The following PDE1C variants were observed in gnomAD, a reference collection of about 807,000 sequenced individuals.
PDE1C encodes the protein phosphodiesterase 1C.
In PDE1C, 62 loss-of-function variants were observed where a neutral mutation model predicts 93.1. The ratio of observed to expected loss-of-function variants is 0.67; its 90% CI spans 0.54 to 0.82. The LOEUF (loss-of-function observed/expected upper bound fraction) is 0.82. Among genes scored for constraint, PDE1C ranks in the 40% least tolerant of loss-of-function variants. PDE1C has a pLI of 0.00. For synonymous variants in PDE1C, 325 were observed against 310.1 expected (o/e 1.05, Z -0.50); for missense variants, 742 against 884.6 (o/e 0.84, Z 2.04).
intron 1 of PDE1C, among the ~76,000 whole-genome samples, chr7:32,261,392 C>T (rs1241935316): frequency 6.6e-6 from 1 of 152,156 alleles, no homozygotes; most frequent in East Asian, 1.9e-4. Context: ...CCAATCAGCA[C>T]TCCCCACTTC....
intron 5 of PDE1C, among the ~76,000 whole-genome samples, chr7:31,873,777 C>T (rs769509777): frequency 7.2e-5 from 11 of 152,122 alleles, no homozygotes; most frequent in Non-Finnish European, 1.2e-4. Context: ...ACCCAAGGTG[C>T]GTAAGTGCTA....
chr7:31,740,796 C>T, the PDE1C span, among the ~76,000 whole-genome samples: 5 of 152,176 alleles, frequency 3.3e-5, no homozygotes, highest in Non-Finnish European at 5.9e-5. Context: ...AGGCCAGGCA[C>T]GGTGGCTTAC....
chr7:32,337,121 C>T (rs932074952), intron 1 of PDE1C, among the ~76,000 whole-genome samples: 1 of 152,070 alleles, frequency 6.6e-6, no homozygotes, highest in Non-Finnish European at 1.5e-5. Flanking sequence ...AGAGAGGCTC[C>T]CTACCTCTGG....
chr7:31,662,914 G>A, the PDE1C span, among the ~76,000 whole-genome samples: 3 of 152,040 alleles, frequency 2.0e-5, no homozygotes, highest in Non-Finnish European at 2.9e-5. Context: ...TGATTGTGCT[G>A]TTCTCTAATT....
chr7:32,004,942 T>C (rs1785991912), intron 2 of PDE1C, among the ~76,000 whole-genome samples: 1 of 152,228 alleles, frequency 6.6e-6, no homozygotes, highest in African/African-American at 2.4e-5. Flanking sequence ...TCTCTTCTGA[T>C]TTCCATGAGG....
chr7:32,298,787 TC>T, exon 1 of PDE1C: 11 of 1,541,664 alleles, frequency 7.1e-6, no homozygotes, highest in African/African-American at 1.4e-5. Flanking sequence ...GCGTCTGCGG[TC>T]CCCCCCACGG....
intron 1 of PDE1C, among the ~76,000 whole-genome samples, chr7:32,372,841 C>T (rs1784356959): frequency 6.6e-6 from 1 of 152,098 alleles, no homozygotes; most frequent in South Asian, 2.1e-4. Flanking sequence ...TACAAATGGC[C>T]AATATGCTCA....
intron 2 of PDE1C, among the ~76,000 whole-genome samples, chr7:32,035,761 C>T (rs1468180743): frequency 6.6e-6 from 1 of 152,160 alleles, no homozygotes; most frequent in African/African-American, 2.4e-5. Flanking sequence ...GCTCGAAATC[C>T]TAGCAGTATG....
At chr7:31,745,273 G>C in the PDE1C span, among the ~76,000 whole-genome samples, 1 of 152,128 alleles carries the variant, frequency 6.6e-6, no homozygotes, top group Non-Finnish European at 1.5e-5. Context: ...ATGAAGAGTG[G>C]TAATATTTTC....
At chr7:32,159,210 G>A (rs899533303) in intron 3 of PDE1C, among the ~76,000 whole-genome samples, 18 of 152,166 alleles carry the variant, frequency 1.2e-4, no homozygotes, top group Admixed American at 9.8e-4. Context: ...AGTATGCACT[G>A]AGCACATGAA....
At chr7:31,868,011 C>G (rs921536201) in intron 6 of PDE1C, among the ~76,000 whole-genome samples, 1 of 152,228 alleles carries the variant, frequency 6.6e-6, no homozygotes, top group Admixed American at 6.5e-5. Flanking sequence ...AAGTTCTCTA[C>G]TCAACCAACA....
At chr7:31,969,611 A>C (rs969098331) in intron 2 of PDE1C, among the ~76,000 whole-genome samples, 1 of 152,222 alleles carries the variant, frequency 6.6e-6, no homozygotes, top group African/African-American at 2.4e-5. Context: ...GGAACTAGAA[A>C]TACCATTTGA....
chr7:31,893,904 C>T (rs1798950807), intron 2 of PDE1C, among the ~76,000 whole-genome samples: 1 of 152,088 alleles, frequency 6.6e-6, no homozygotes, highest in Admixed American at 6.5e-5. Context: ...CCAGGACTTC[C>T]TCGCTTAGCA....
chr7:32,204,329 T>C (rs544273701), intron 2 of PDE1C, among the ~76,000 whole-genome samples: 3 of 152,302 alleles, frequency 2.0e-5, no homozygotes, highest in South Asian at 4.1e-4. Context: ...ACTGGGAAAG[T>C]GAAACCGCAG....
chr7:32,014,281 C>T (rs554733609), intron 2 of PDE1C, among the ~76,000 whole-genome samples: 1 of 126,394 alleles, frequency 7.9e-6, no homozygotes, highest in East Asian at 2.3e-4. Flanking sequence ...AGTCTGAAAA[C>T]ATTTAAAAGC....
rs544596569 is a variant in PDE1C at position 32,321,242 on chromosome 7, G to C, written c.310+106580C>G. On this transcript the variant is annotated intron_variant, in intron 1 of 1. Coordinates refer to the PDE1C transcript ENST00000672256. ...CAGCCTCTCTTTAAGCACAATCACA[G>C]AGCAGAGCCTGCATTGTTAGCCCGG... Among the ~76,000 whole-genome samples, 25 of 152,318 alleles carry C rather than the reference G, an allele frequency of 1.6e-4. No homozygotes were observed. The East Asian group carries it at 4.8e-3, about 29-fold the overall frequency.
the PDE1C span, among the ~76,000 whole-genome samples, chr7:31,712,305 A>ATGAATGAATAT: frequency 6.6e-6 from 1 of 152,374 alleles, no homozygotes; most frequent in African/African-American, 2.4e-5. Context: ...TGAATGAATA[A>ATGAATGAATAT]AAAGACTTTG....
chr7:31,629,698 T>C, the PDE1C span, among the ~76,000 whole-genome samples: 3 of 152,322 alleles, frequency 2.0e-5, no homozygotes, highest in Non-Finnish European at 4.4e-5. Flanking sequence ...TCATATTAGA[T>C]GCCAGAAGAT....
At position 32,061,542 on chromosome 7, in the gene PDE1C, C is replaced by T. The variant is rs867364123; in HGVS notation, c.101+8751G>A. Reference sequence around the variant, plus strand: ...AGAGCCTCCACGCAGCCAAGCTTCACTTGGCCCTTCTGCAGTGGGCTAGGC... The same window carrying T: ...AGAGCCTCCACGCAGCCAAGCTTCATTTGGCCCTTCTGCAGTGGGCTAGGC... On this transcript the variant is annotated intron_variant, in intron 1 of 17. Transcript: ENST00000396191. 3.3e-5 allele frequency among the ~76,000 whole-genome samples: 5 copies of T among 152,230 alleles called. No homozygotes were observed. In the South Asian group the frequency reaches 6.2e-4, roughly 19 times the overall value.
Sources: gnomAD v4.1 joint callset for allele counts (sites outside exome capture counted in the v4.1 genomes callset) on GRCh38, gnomAD v4.1.1 for gene constraint, MANE v1.5 for transcripts, NCBI Gene and HGNC (gene_info 2026-07-23, HGNC 2026-07-21) for gene names.